The following IMPA2 variants were observed in gnomAD, a reference collection of about 807,000 sequenced individuals.
The protein encoded by IMPA2 is IMP 2.
In IMPA2, 32 loss-of-function variants were observed where a neutral mutation model predicts 35.1. The observed-to-expected ratio is 0.91, with a 90% CI of 0.69 to 1.23. The LOEUF (loss-of-function observed/expected upper bound fraction) is 1.23, where lower values mean the gene tolerates loss of function less well. Ranked by LOEUF, IMPA2 falls within the 50% of genes most tolerant of loss-of-function variation. The pLI, the probability that IMPA2 is intolerant of heterozygous loss-of-function variation, is 0.00. For missense variants in IMPA2, 334 were observed against 387.6 expected, an observed-to-expected ratio of 0.86 and a Z score of 1.16; for synonymous variants, 135 against 160.6, an observed-to-expected ratio of 0.84 and a Z score of 1.20.
At chr18:11,983,280 C>G (rs1906559081) in intron 1 of IMPA2, among the ~76,000 whole-genome samples, 1 of 152,210 alleles carries the variant, frequency 6.6e-6, no homozygotes, top group Non-Finnish European at 1.5e-5. Context: ...GCATGGAACA[C>G]GGGTTCTCCT....
At chr18:11,985,123 G>A (rs1906626712) in intron 1 of IMPA2, among the ~76,000 whole-genome samples, 1 of 146,280 alleles carries the variant, frequency 6.8e-6, no homozygotes, top group Non-Finnish European at 1.5e-5. Context: ...CTCCAGCCTG[G>A]GTGATAAGAG....
chr18:12,027,758 T>A (rs1401488941), intron 5 of IMPA2, among the ~76,000 whole-genome samples: 5 of 151,540 alleles, frequency 3.3e-5, no homozygotes, highest in African/African-American at 1.2e-4. Flanking sequence ...ATTTTTTTTT[T>A]TTTTGCAGAG....
At chr18:12,005,502 A>T (rs7240650) in intron 2 of IMPA2, among the ~76,000 whole-genome samples, 8,893 of 149,220 alleles carry the variant, frequency 0.06, 906 homozygotes, top group African/African-American at 0.21. Context: ...AAAAAAAAAA[A>T]TTTCTAAAAG....
At chr18:12,005,676 A>G (rs557260223) in intron 2 of IMPA2, among the ~76,000 whole-genome samples, 32 of 152,146 alleles carry the variant, frequency 2.1e-4, no homozygotes, top group Non-Finnish European at 4.4e-4. Context: ...GCATCTGGCG[A>G]ATGAACAGAC....
rs111396138 is a variant in IMPA2, at chr18:12,013,634, C to T, written c.382-631C>T. 3.6e-3 allele frequency among the ~76,000 whole-genome samples: 544 copies of T among 152,312 alleles called. 3 individuals carry two copies. Among genetic ancestry groups the T allele is most frequent in the African/African-American group, 0.012 (510 of 41,562 alleles). On this transcript the variant is annotated intron_variant, in intron 4 of 7. Coordinates refer to ENST00000269159, the MANE Select transcript of IMPA2 (RefSeq NM_014214.3). ...CGGTAGAGGAAAGATCACAGAGGCACGCGGCCGTGGGCTGCCGTCCTTTTC... is the reference window on the plus strand; with the variant it reads ...CGGTAGAGGAAAGATCACAGAGGCATGCGGCCGTGGGCTGCCGTCCTTTTC...
In IMPA2 at chr18:12,028,855, G is replaced by C; in HGVS notation, c.613G>C (p.Gly205Arg). Reference protein sequence around the residue: ...HAKAHGVRVIGSSTLALCHLA... With the variant: ...HAKAHGVRVIRSSTLALCHLA... Reference sequence around the variant, plus strand: ...CCCTCTCCCCAGGGTCCGAGTGATTGGAAGCTCCACATTGGCACTCTGCCA... The same window carrying C: ...CCCTCTCCCCAGGGTCCGAGTGATTCGAAGCTCCACATTGGCACTCTGCCA... Residue 205 changes from glycine (G) to arginine (R), a missense_variant, in exon 7 of 8, where the codon GGA (glycine) becomes CGA (arginine). By Grantham distance (125) the Gly-to-Arg change is moderately radical. Transcript: ENST00000269159. 1 of 1,614,082 alleles carries C rather than the reference G, an allele frequency of 6.2e-7. No homozygotes were observed. The highest frequency in any genetic ancestry group is 8.5e-7 in the Non-Finnish European group (1 of 1,179,994).
intron 1 of IMPA2, among the ~76,000 whole-genome samples, chr18:11,983,247 C>T (rs144490243): frequency 7.2e-5 from 11 of 152,322 alleles, no homozygotes; most frequent in African/African-American, 2.4e-4. Flanking sequence ...AAGCGTTCTT[C>T]CTGGAAAGCA....
rs773402812 is a variant in IMPA2 at position 12,029,023 on chromosome 18, G to A, written c.751+30G>A. 26 of 1,603,546 alleles carry A rather than the reference G, an allele frequency of 1.6e-5. No individual in the cohort carries two copies. The South Asian group carries it at 2.3e-4, about 14-fold the overall frequency. On this transcript the variant is annotated intron_variant, in intron 7 of 7. Coordinates refer to ENST00000269159, the MANE Select transcript of IMPA2 (RefSeq NM_014214.3). Reference sequence around the variant, plus strand: ...GCTCTCCTGTCCCTGAAATGCAGCGGCAGAAACTAGACTGAGAGACACTGT... The same window carrying A: ...GCTCTCCTGTCCCTGAAATGCAGCGACAGAAACTAGACTGAGAGACACTGT...
At position 11,991,277 on chromosome 18, in the gene IMPA2, G is replaced by A. The variant is rs1906805757; in HGVS notation, c.97-7777G>A. Among the ~76,000 whole-genome samples, 1 of 152,138 alleles carries A rather than the reference G, an allele frequency of 6.6e-6. No homozygotes were observed. Among genetic ancestry groups the A allele is most frequent in the African/African-American group, 2.4e-5 (1 of 41,430 alleles). On this transcript the variant is annotated intron_variant, in intron 1 of 7. Transcript: ENST00000269159. This position sits in a 1 kb window ranked among gnomAD's most constrained non-coding sequence, Gnocchi z 4.1. ...GTGCCAGTGCCTTGTCAGGGCGGAGGGCGACTAGAGATCAAGGTGAGGGGA... is the reference window on the plus strand; with the variant it reads ...GTGCCAGTGCCTTGTCAGGGCGGAGAGCGACTAGAGATCAAGGTGAGGGGA...
At chr18:11,992,897 C>T (rs1278675528) in intron 1 of IMPA2, among the ~76,000 whole-genome samples, 1 of 152,198 alleles carries the variant, frequency 6.6e-6, no homozygotes, top group Non-Finnish European at 1.5e-5. Context: ...AAATACAGCA[C>T]TTTTCCTCAC....
chr18:12,004,025 G>C (rs894826151), intron 2 of IMPA2, among the ~76,000 whole-genome samples: 2 of 152,210 alleles, frequency 1.3e-5, no homozygotes, highest in Non-Finnish European at 2.9e-5. Flanking sequence ...GTAACCTGCT[G>C]CCCTGCAGTG....
Position 11,999,181 on chromosome 18 carries a change from C to A in IMPA2, c.224C>A (p.Ser75Ter). Residue 75 changes from serine (S) to a stop codon, truncating the protein, a stop_gained, in exon 2 of 8, where the codon TCA becomes TAA. Transcript: ENST00000269159. LOFTEE classifies it high-confidence loss of function. ...IISELRERFP[S>*]HRFIAEEAAA... ...TCTGAGTTGCGAGAGAGGTTTCCTT[C>A]ACACAGGTAGGTGTACTCCTCTGGG... 6.2e-7 allele frequency: 1 copy of A among 1,613,430 alleles called. No homozygotes were observed. Among genetic ancestry groups the A allele is most frequent in the Non-Finnish European group, 8.5e-7 (1 of 1,179,612 alleles).
At chr18:12,022,941 A>ATTTTTTTTTTTTTTTTTT (rs35737614) in intron 5 of IMPA2, among the ~76,000 whole-genome samples, 16 of 81,672 alleles carry the variant, frequency 2.0e-4, no homozygotes, top group Non-Finnish European at 2.3e-4. Flanking sequence ...CGCCTGCCTA[A>ATTTTTTTTTTTTTTTTTT]TTTTTTTTTT....
intron 5 of IMPA2, among the ~76,000 whole-genome samples, chr18:12,026,491 A>T (rs970142171): frequency 1.3e-5 from 2 of 152,236 alleles, no homozygotes; most frequent in Admixed American, 6.5e-5. Context: ...GAACCAAATC[A>T]AAACAAAGAC....
At chr18:12,022,521 C>T in intron 5 of IMPA2, among the ~76,000 whole-genome samples, 1 of 24,608 alleles carries the variant, frequency 4.1e-5, no homozygotes, top group African/African-American at 9.0e-5. Flanking sequence ...GGCTCCATCT[C>T]AAAAAGAATA....
chr18:12,020,024 C>T (rs1907684830), intron 5 of IMPA2, among the ~76,000 whole-genome samples: 1 of 152,068 alleles, frequency 6.6e-6, no homozygotes, highest in Non-Finnish European at 1.5e-5. Context: ...TACAGGCATG[C>T]ACCACCATGC....
At chr18:11,999,680 C>T (rs1907063539) in intron 2 of IMPA2, among the ~76,000 whole-genome samples, 1 of 152,268 alleles carries the variant, frequency 6.6e-6, no homozygotes, top group African/African-American at 2.4e-5. Context: ...CCCCCTCGCC[C>T]AGGCCAGAGG....
chr18:12,014,200 A>T, intron 4 of IMPA2, 65 bp from the exon 5 acceptor site: 1 of 1,122,414 alleles, frequency 8.9e-7, no homozygotes, highest in Non-Finnish European at 1.4e-6. Context: ...TTGAATAACA[A>T]TGTTTTTTCC....
At chr18:11,998,947 AC>A (rs1907039949) in intron 1 of IMPA2, 106 bp from the exon 2 acceptor site, 3 of 15,130 alleles carry the variant, frequency 2.0e-4, no homozygotes, top group African/African-American at 1.2e-3. Context: ...CCCCCCCCCC[AC>A]CCAATGGCAG....
Sources: gnomAD v4.1 joint callset for allele counts (sites outside exome capture counted in the v4.1 genomes callset) on GRCh38, gnomAD v4.1.1 for gene constraint, Gnocchi (gnomAD v3.1) non-coding constraint, MANE v1.5 for transcripts, NCBI Gene and HGNC (gene_info 2026-07-23, HGNC 2026-07-21) for gene names.